Variants in ICE2 observed in about 807,000 individuals in gnomAD.
The protein encoded by ICE2 is interactor of little elongation complex ELL subunit 2, also known as little elongation complex subunit 2.
ICE2 carries 87 observed loss-of-function variants against 105.4 expected under a neutral mutation model. The ratio of observed to expected loss-of-function variants is 0.83; its 90% CI spans 0.69 to 0.99. The LOEUF is 0.99. ICE2 is among the 50% of genes least tolerant of loss of function. ICE2 has a pLI of 0.00. For missense variants in ICE2, 1,323 were observed against 1,146.7 expected, an observed-to-expected ratio of 1.15 and a Z score of -2.22; for synonymous variants, 399 against 392.0, an observed-to-expected ratio of 1.02 and a Z score of -0.21.
chr15:60,477,143 T>G, intron 2 of ICE2, among the ~76,000 whole-genome samples: 1 of 152,238 alleles, frequency 6.6e-6, no homozygotes, highest in Non-Finnish European at 1.5e-5. Flanking sequence ...ATGGTAAAAT[T>G]AGAAAGTCTT....
At chr15:60,433,417 T>C (rs1364280779) in intron 13 of ICE2, among the ~76,000 whole-genome samples, 1 of 151,956 alleles carries the variant, frequency 6.6e-6, no homozygotes, top group Non-Finnish European at 1.5e-5. Context: ...TCTTTAGTAG[T>C]TCTTCTAGAC....
intron 12 of ICE2, among the ~76,000 whole-genome samples, chr15:60,436,903 GC>G (rs1490889331): frequency 6.6e-6 from 1 of 151,880 alleles, no homozygotes; most frequent in Non-Finnish European, 1.5e-5. Flanking sequence ...ATGTACAGGG[GC>G]TAAGACACAC....
At chr15:60,456,599 A>ACACACACG in intron 6 of ICE2, 58 bp downstream of exon 6, 1 of 658,482 alleles carries the variant, frequency 1.5e-6, no homozygotes, top group Non-Finnish European at 2.5e-6. Flanking sequence ...ACACACACAC[A>ACACACACG]CACACACACA....
In ICE2 at chr15:60,455,025, A is replaced by G. The variant is rs2064065346; in HGVS notation, c.921T>C (p.Cys307=). The G allele has an allele frequency of 2.6e-6, 4 of 1,567,298 alleles. No individual in the cohort carries two copies. The highest frequency in any genetic ancestry group is 3.4e-4 in the Middle Eastern group (2 of 5,852). The change falls in exon 8 of 16, where the codon TGT becomes TGC. Residue 307 remains cysteine (C), a synonymous_variant. Coordinates refer to ENST00000261520, the MANE Select transcript of ICE2 (RefSeq NM_024611.6). ...AACCTGCAACAGGTATTACTTGAAT[A>G]CACACTGGAATTTCCCACTGTTCCT... ...TYKEQWEIPV[C]IQVIPVAGSK...
chr15:60,445,895 A>C, intron 11 of ICE2: 1 of 442,534 alleles, frequency 2.3e-6, no homozygotes, highest in Non-Finnish European at 3.0e-6. Flanking sequence ...CAAAGAAATA[A>C]AACCTTGAAA....
At chr15:60,460,234 C>G (rs2064237080) in intron 5 of ICE2, among the ~76,000 whole-genome samples, 1 of 152,192 alleles carries the variant, frequency 6.6e-6, no homozygotes, top group African/African-American at 2.4e-5. Context: ...TGGCTCACAC[C>G]TGTAATCCCA....
At position 60,449,359 on chromosome 15, in the gene ICE2, A is replaced by T; in HGVS notation, c.1608T>A (p.His536Gln). Reference protein sequence around the residue: ...NKNDMTIDILHADGERPNVLE... With the variant: ...NKNDMTIDILQADGERPNVLE... The stretch of plus-strand genomic sequence containing the variant: ...GAACATTAGGTCTTTCACCATCAGC[A>T]TGTAATATATCTATAGTCATATCAT... The change falls in exon 10 of 16, where the codon CAT becomes CAA. Residue 536 changes from histidine to glutamine, a missense_variant. Physicochemically the swap from His to Gln is conservative, Grantham distance 24. Coordinates refer to ENST00000261520, the MANE Select transcript of ICE2 (RefSeq NM_024611.6). 6.2e-7 allele frequency: 1 copy of T among 1,613,214 alleles called. No homozygotes were observed. Among genetic ancestry groups the T allele is most frequent in the East Asian group, 2.2e-5 (1 of 44,874 alleles).
At chr15:60,472,656 C>A (rs974404944) in intron 3 of ICE2, among the ~76,000 whole-genome samples, 2 of 152,118 alleles carry the variant, frequency 1.3e-5, no homozygotes, top group African/African-American at 4.8e-5. Flanking sequence ...CTATAACCCA[C>A]ACCTGGGATA....
chr15:60,425,365 T>C (rs1023464860), intron 15 of ICE2, among the ~76,000 whole-genome samples: 13 of 152,212 alleles, frequency 8.5e-5, no homozygotes, highest in African/African-American at 2.9e-4. Flanking sequence ...ATTCTATCTG[T>C]TAAAATTTTT....
Position 60,448,150 on chromosome 15 carries a change from A to C in ICE2, c.2120-5T>G, listed in dbSNP as rs1262155271. Reference sequence around the variant, plus strand: ...CCTGAAGTTCATATGGCAATCCTTTAAAAATAGTATTTCTCATTTTTAAAA... The same window carrying C: ...CCTGAAGTTCATATGGCAATCCTTTCAAAATAGTATTTCTCATTTTTAAAA... On this transcript the variant is annotated splice_region_variant and splice_polypyrimidine_tract_variant and intron_variant, in intron 10 of 15. Transcript: ENST00000261520. 1.3e-6 allele frequency: 2 copies of C among 1,587,110 alleles called. No homozygotes were observed. The highest frequency in any genetic ancestry group is 2.7e-5 in the African/African-American group (2 of 74,106).
At chr15:60,436,736 A>G (rs2063599799) in intron 12 of ICE2, among the ~76,000 whole-genome samples, 1 of 151,202 alleles carries the variant, frequency 6.6e-6, no homozygotes, top group African/African-American at 2.4e-5. Context: ...AAAAAAAAAA[A>G]AAAAGAAAGT....
At chr15:60,435,356 T>G (rs902785092) in intron 13 of ICE2, among the ~76,000 whole-genome samples, 3 of 150,828 alleles carry the variant, frequency 2.0e-5, no homozygotes, top group Non-Finnish European at 3.0e-5. Flanking sequence ...TCCCAGCACT[T>G]TGGGAGGCCG....
At position 60,421,723 on chromosome 15, in the gene ICE2, G is replaced by A. The variant is rs530575019; in HGVS notation, c.*1911C>T. On this transcript the variant is annotated 3_prime_UTR_variant, in exon 16 of 16. Transcript: ENST00000261520. ...GGAATCCCTGCCTCTCCCTTGGCTCGCTGGCAAATGATTCACAACCAAAAC... is the reference window on the plus strand; with the variant it reads ...GGAATCCCTGCCTCTCCCTTGGCTCACTGGCAAATGATTCACAACCAAAAC... 4 of 152,086 alleles carry A rather than the reference G, an allele frequency of 2.6e-5. No individual in the cohort carries two copies. Among genetic ancestry groups the A allele is most frequent in the East Asian group, 1.9e-4 (1 of 5,186 alleles). 9.4% of individuals were successfully genotyped at this position (152,086 alleles called of 1,614,324 possible). A position where few individuals can be genotyped will look rare whatever the true frequency, so the allele number is the denominator to read the frequency against.
At chr15:60,456,437 G>A (rs2064113580) in intron 6 of ICE2, among the ~76,000 whole-genome samples, 1 of 148,878 alleles carries the variant, frequency 6.7e-6, no homozygotes, top group African/African-American at 2.5e-5. Flanking sequence ...CCAGCTACTT[G>A]GGAGGCTAAG....
chr15:60,432,812 A>G (rs1050683510), intron 13 of ICE2, among the ~76,000 whole-genome samples: 2 of 151,998 alleles, frequency 1.3e-5, no homozygotes, highest in Middle Eastern at 3.4e-3. Context: ...GAATGGCACG[A>G]GCCCGGGAGG....
intron 3 of ICE2, among the ~76,000 whole-genome samples, chr15:60,473,876 G>A (rs960747333): frequency 6.6e-6 from 1 of 152,140 alleles, no homozygotes. Flanking sequence ...AGTTGCTTCT[G>A]AAACTGCCTC....
intron 10 of ICE2, 124 bp downstream of exon 10, chr15:60,448,724 T>C (rs1447125655): frequency 1.3e-5 from 11 of 826,752 alleles, no homozygotes; most frequent in Non-Finnish European, 2.0e-5. Context: ...ATCGAAAAAA[T>C]GAAATATCAG....
chr15:60,450,657 C>T (rs2063943738), intron 9 of ICE2, among the ~76,000 whole-genome samples: 1 of 152,208 alleles, frequency 6.6e-6, no homozygotes, highest in Non-Finnish European at 1.5e-5. Flanking sequence ...CAGTCACCAG[C>T]AGTGAGTAAG....
chr15:60,457,858 C>T (rs2141102864), intron 5 of ICE2, among the ~76,000 whole-genome samples: 1 of 152,238 alleles, frequency 6.6e-6, no homozygotes, highest in Admixed American at 6.5e-5. Flanking sequence ...TATCTTTGCT[C>T]CTTATTTGTA....
Sources: gnomAD v4.1 joint callset for allele counts (sites outside exome capture counted in the v4.1 genomes callset) on GRCh38, gnomAD v4.1.1 for gene constraint, MANE v1.5 for transcripts, NCBI Gene and HGNC (gene_info 2026-07-23, HGNC 2026-07-21) for gene names.